GATB: variants seen among roughly 807,000 people sequenced by gnomAD.
GATB encodes the protein glutamyl-tRNA amidotransferase subunit B.
A neutral mutation model predicts 62.3 loss-of-function variants in GATB; 39 were observed. The observed-to-expected ratio is 0.63, with a 90% CI of 0.48 to 0.82. The LOEUF is 0.82. Among genes scored for constraint, GATB ranks in the 40% least tolerant of loss-of-function variants. The pLI is 0.00. For missense variants in GATB, 670 were observed against 684.0 expected, an observed-to-expected ratio of 0.98 and a Z score of 0.23; for synonymous variants, 276 against 258.9, an observed-to-expected ratio of 1.07 and a Z score of -0.63.
chr4:151,731,456 G>C (rs540497660), intron 2 of GATB, among the ~76,000 whole-genome samples: 3 of 152,256 alleles, frequency 2.0e-5, no homozygotes, highest in Non-Finnish European at 4.4e-5. Flanking sequence ...GCGTGATCTC[G>C]GCTAGCTACA....
chr4:151,671,794 G>A (rs771786195), intron 12 of GATB, among the ~76,000 whole-genome samples: 2 of 152,262 alleles, frequency 1.3e-5, no homozygotes, highest in East Asian at 3.9e-4. Context: ...CTTCCAGAGC[G>A]CTGGGTCGGG....
At chr4:151,703,989 G>T in intron 7 of GATB, 94 bp from the exon 8 acceptor site, 2 of 780,414 alleles carry the variant, frequency 2.6e-6, no homozygotes, top group Non-Finnish European at 4.3e-6. Flanking sequence ...AGGGGCACAG[G>T]CAAAATCAAA....
At position 151,671,213 on chromosome 4, in the gene GATB, G is replaced by T; in HGVS notation, c.1635C>A (p.Val545=). ...TCTTCTCCAGGATCTCCTTTATCAT[G>T]ACTGGATCTGCTCGGCTTTGAGTCG... The part of the protein sequence containing the change: ...RKATQSRADP[V]MIKEILEKKL... The change falls in exon 13 of 13, where the codon GTC becomes GTA. Residue 545 remains valine, a synonymous_variant. Coordinates refer to ENST00000263985, the MANE Select transcript of GATB (RefSeq NM_004564.3). The T allele has an allele frequency of 6.2e-7, 1 of 1,614,126 alleles. No homozygotes were observed. Among genetic ancestry groups the T allele is most frequent in the South Asian group, 1.1e-5 (1 of 91,068 alleles).
At chr4:151,752,051 A>G (rs535408622) in intron 2 of GATB, among the ~76,000 whole-genome samples, 1 of 152,254 alleles carries the variant, frequency 6.6e-6, no homozygotes, top group African/African-American at 2.4e-5. Flanking sequence ...GTCACATCTG[A>G]TTGACACTGT....
chr4:151,722,814 T>C (rs1739056690), intron 2 of GATB: 1 of 152,524 alleles, frequency 6.6e-6, no homozygotes, highest in Non-Finnish European at 1.5e-5. Flanking sequence ...ATTTGATTAA[T>C]GTGTGCTGAG....
intron 2 of GATB, among the ~76,000 whole-genome samples, chr4:151,734,422 A>G (rs915152265): frequency 6.6e-5 from 10 of 152,206 alleles, no homozygotes; most frequent in African/African-American, 2.4e-4. Context: ...AAAACTACAA[A>G]ACACTGCTGA....
chr4:151,741,086 G>A (rs189509983), intron 2 of GATB, among the ~76,000 whole-genome samples: 52 of 152,246 alleles, frequency 3.4e-4, no homozygotes, highest in Admixed American at 2.0e-3. Context: ...ACCCCTGGGG[G>A]ATGCCTGAGA....
chr4:151,741,993 A>G (rs1739497620), intron 2 of GATB, among the ~76,000 whole-genome samples: 1 of 152,146 alleles, frequency 6.6e-6, no homozygotes, highest in African/African-American at 2.4e-5. Context: ...GACAGATAAA[A>G]GGTACTGGGA....
intron 5 of GATB, 42 bp from the exon 6 acceptor site, chr4:151,708,143 G>A: frequency 7.5e-7 from 1 of 1,338,494 alleles, no homozygotes; most frequent in East Asian, 2.3e-5. Context: ...AATTCTTTGA[G>A]GTGACATAGT....
rs994493403 is a variant in GATB at position 151,716,980 on chromosome 4, A to T, written c.536T>A (p.Ile179Asn). 13 of 1,614,002 alleles carry T rather than the reference A, an allele frequency of 8.1e-6. No individual in the cohort carries two copies. Among genetic ancestry groups the T allele is most frequent in the East Asian group, 4.5e-5 (2 of 44,870 alleles). The change falls in exon 4 of 13, where the codon ATC becomes AAC. Residue 179 changes from isoleucine (I) to asparagine (N), a missense_variant. Transcript: ENST00000263985. The part of the protein sequence containing the change: ...VCAGKKQSQV[I>N]PKTVRIKQIQ... ...CTGCTTGATCCTCACCGTCTTGGGG[A>T]TCACCTGACTCTGCTTCTTCCCTGC...
intron 2 of GATB, among the ~76,000 whole-genome samples, chr4:151,732,026 C>G (rs1302174969): frequency 2.3e-5 from 3 of 130,762 alleles, no homozygotes; most frequent in South Asian, 2.5e-4. Context: ...AGCCCCCGCC[C>G]GGCCAGCCGC....
At chr4:151,697,977 A>ATGTGTG (rs1185000629) in intron 9 of GATB, among the ~76,000 whole-genome samples, 1 of 131,878 alleles carries the variant, frequency 7.6e-6, no homozygotes, top group African/African-American at 3.2e-5. Flanking sequence ...ATATATATAT[A>ATGTGTG]TATATATATA....
At chr4:151,743,724 T>C (rs1335560813) in intron 2 of GATB, among the ~76,000 whole-genome samples, 1 of 152,218 alleles carries the variant, frequency 6.6e-6, no homozygotes, top group Admixed American at 6.5e-5. Context: ...CTGAACTGAA[T>C]GATTTTCAGG....
At chr4:151,718,113 G>A (rs902195189) in intron 3 of GATB, among the ~76,000 whole-genome samples, 1 of 152,174 alleles carries the variant, frequency 6.6e-6, no homozygotes, top group Non-Finnish European at 1.5e-5. Flanking sequence ...GACCTCAAAG[G>A]TTTCCGATTC....
chr4:151,705,657 A>T (rs893331514), intron 6 of GATB, among the ~76,000 whole-genome samples: 8 of 152,148 alleles, frequency 5.3e-5, no homozygotes, highest in Admixed American at 3.9e-4. Context: ...AAAATTATAC[A>T]CAAAGTGTGG....
At chr4:151,706,237 T>C (rs1391451932) in intron 6 of GATB, among the ~76,000 whole-genome samples, 3 of 152,208 alleles carry the variant, frequency 2.0e-5, no homozygotes, top group Non-Finnish European at 4.4e-5. Flanking sequence ...TAGTAAAGCT[T>C]TGGCTCTTCC....
At chr4:151,741,875 T>C (rs1214713085) in intron 2 of GATB, among the ~76,000 whole-genome samples, 1 of 152,200 alleles carries the variant, frequency 6.6e-6, no homozygotes, top group Non-Finnish European at 1.5e-5. Flanking sequence ...GAAGCTTTTT[T>C]TGGGAAAATG....
chr4:151,671,173 C>T lies in GATB; in HGVS notation c.*1G>A. The T allele has an allele frequency of 6.2e-7, 1 of 1,614,216 alleles. No homozygotes were observed. Among genetic ancestry groups the T allele is most frequent in the Non-Finnish European group, 8.5e-7 (1 of 1,180,042 alleles). On this transcript the variant is annotated 3_prime_UTR_variant, in exon 13 of 13. Transcript: ENST00000263985. ...CCTTGGGCAAGGGGATCCCAAACAT[C>T]TCACAATGACAGCTTCTTCTCCAGG...
chr4:151,718,039 G>A (rs1200685673), intron 3 of GATB, among the ~76,000 whole-genome samples: 1 of 152,192 alleles, frequency 6.6e-6, no homozygotes, highest in Non-Finnish European at 1.5e-5. Flanking sequence ...CAGGCCCCCA[G>A]TTTAAGAACT....
Sources: allele counts gnomAD v4.1 joint callset (sites outside exome capture counted in the v4.1 genomes callset), GRCh38; gene constraint gnomAD v4.1.1; transcripts MANE v1.5; gene names NCBI Gene and HGNC (gene_info 2026-07-23, HGNC 2026-07-21).